The following TYRO3 variants were observed in gnomAD, a reference collection of about 807,000 sequenced individuals.
TYRO3 encodes tyrosine-protein kinase receptor TYRO3.
In TYRO3, 38 loss-of-function variants were observed where a neutral mutation model predicts 95.2. The observed-to-expected ratio is 0.40, with a 90% confidence interval of 0.31 to 0.52. The LOEUF is 0.52. TYRO3 is among the 20% of genes least tolerant of loss of function. TYRO3 has a pLI of 0.56. For synonymous variants in TYRO3, 367 were observed against 432.9 expected (o/e 0.85, Z 1.89); for missense variants, 812 against 1,116.4 (o/e 0.73, Z 3.89).
chr15:41,570,220 A>G lies in TYRO3; in HGVS notation c.1383-20A>G, dbSNP rs1479670934. 2 of 976,164 alleles carry G rather than the reference A, an allele frequency of 2.0e-6. No homozygotes were observed. The highest frequency in any genetic ancestry group is 2.7e-5 in the South Asian group (2 of 73,098). 60.5% of individuals were successfully genotyped at this position (976,164 alleles called of 1,614,324 possible). On this transcript the variant is annotated intron_variant, in intron 10 of 18. Transcript: ENST00000263798. ...ATGAAAGACCTTGGAGCTGACCCCA[A>G]ATCCTGGGTTTTCCTTTAGGCAAGC...
At chr15:41,571,467 C>A in intron 13 of TYRO3, 128 bp from the exon 14 acceptor site, 1 of 695,318 alleles carries the variant, frequency 1.4e-6, no homozygotes. Context: ...TTCTCCTGCT[C>A]ATGGCTGGGC....
rs1458107560 is a variant in TYRO3 at position 41,581,889 on chromosome 15, TG to T, written c.*3616del. The T allele has an allele frequency of 2.3e-5, 3 of 129,776 alleles. No individual in the cohort carries two copies. The highest frequency in any genetic ancestry group is 8.7e-5 in the African/African-American group (3 of 34,366). The allele number at this position is 129,776 out of a possible 1,614,324, so 8.0% of individuals were successfully genotyped here. A position where few individuals can be genotyped will look rare whatever the true frequency, so the allele number is the denominator to read the frequency against. On this transcript the variant is annotated 3_prime_UTR_variant, in exon 19 of 19. Coordinates refer to ENST00000263798, the MANE Select transcript of TYRO3 (RefSeq NM_006293.4). ...GCTCACGCCTATAATCCCAGCGCTT[TG>T]GGATTTTCTGTCTCAAAAAAAAAAA...
At position 41,576,671 on chromosome 15, in the gene TYRO3, A is replaced by ATTT. The variant is rs2055864661; in HGVS notation, c.2283-1215_2283-1214insTTT. 3.7e-3 allele frequency among the ~76,000 whole-genome samples: 475 copies of ATTT among 129,546 alleles called. 1 individual carries two copies. The highest frequency in any genetic ancestry group is 0.015 in the African/African-American group (449 of 30,604). 85.0% of individuals were successfully genotyped at this position (129,546 alleles called of 152,430 possible). The stretch of plus-strand genomic sequence containing the variant: ...TTTTTTTTTTTTTTTTTTTTTTTTA[A>ATTT]AAAAAAAAAAGAGAAAGGGCCTCGC... On this transcript the variant is annotated intron_variant, in intron 18 of 18. Coordinates refer to ENST00000263798, the MANE Select transcript of TYRO3 (RefSeq NM_006293.4).
intron 4 of TYRO3, 150 bp from the exon 5 acceptor site, chr15:41,564,034 G>A (rs2055689772): frequency 2.9e-6 from 2 of 693,158 alleles, no homozygotes; most frequent in Non-Finnish European, 5.1e-6. Context: ...TAGTGTCCCT[G>A]TTCATTTCAC....
chr15:41,570,002 A>C, intron 9 of TYRO3, 25 bp from the exon 10 acceptor site: 1 of 1,607,412 alleles, frequency 6.2e-7, no homozygotes, highest in East Asian at 2.2e-5. Flanking sequence ...ATCCTAGCTC[A>C]TGCCACTGCA....
At position 41,572,440 on chromosome 15, in the gene TYRO3, C is replaced by T; in HGVS notation, c.1754-3C>T. The T allele has an allele frequency of 3.0e-6, 3 of 1,011,268 alleles. No homozygotes were observed. 62.6% of individuals were successfully genotyped at this position (1,011,268 alleles called of 1,614,324 possible). A position where few individuals can be genotyped will look rare whatever the true frequency, so the allele number is the denominator to read the frequency against. ...CTCAGCTCCTGACTCTCCCTTGTCC[C>T]AGGGGTAAGCCTCCGGAGCAGGGCT... On this transcript the variant is annotated splice_polypyrimidine_tract_variant and splice_region_variant and intron_variant, in intron 14 of 18. Coordinates refer to ENST00000263798, the MANE Select transcript of TYRO3 (RefSeq NM_006293.4).
chr15:41,570,565 A>T, intron 11 of TYRO3, 39 bp from the exon 12 acceptor site: 1 of 1,405,384 alleles, frequency 7.1e-7, no homozygotes, highest in Non-Finnish European at 9.7e-7. Flanking sequence ...TGGCTCAGGA[A>T]TCAGAGATCC....
intron 7 of TYRO3, 41 bp from the exon 8 acceptor site, chr15:41,568,176 G>A (rs1179769745): frequency 2.5e-5 from 41 of 1,609,434 alleles, no homozygotes; most frequent in Non-Finnish European, 3.1e-5. Context: ...ATGATGGTGG[G>A]AAGGGCAGGG....
Position 41,578,396 on chromosome 15 carries a change from C to T in TYRO3, c.*120C>T, listed in dbSNP as rs1411685731. ...GTGTGGAGGCTCCTGTGGTAGTCCT[C>T]CCAAGCTGTGCTGGGAAGCCCGGAC... On this transcript the variant is annotated 3_prime_UTR_variant, in exon 19 of 19. Coordinates refer to ENST00000263798, the MANE Select transcript of TYRO3 (RefSeq NM_006293.4). 2 of 1,329,186 alleles carry T rather than the reference C, an allele frequency of 1.5e-6. No homozygotes were observed. The highest frequency in any genetic ancestry group is 2.1e-6 in the Non-Finnish European group (2 of 972,588). 82.3% of individuals were successfully genotyped at this position (1,329,186 alleles called of 1,614,324 possible). A position where few individuals can be genotyped will look rare whatever the true frequency, so the allele number is the denominator to read the frequency against.
rs142941924 is a variant in TYRO3, at chr15:41,572,548, T to C, written c.1859T>C (p.Ile620Thr). The part of the protein sequence containing the change: ...DLHAFLLASR[I>T]GENPFNLPLQ... ...CATGCCTTCCTGCTCGCCTCCCGGA[T>C]TGGGGAGAACCCCTTTGTGAGTACC... The change falls in exon 15 of 19, where the codon ATT (isoleucine) becomes ACT (threonine). Residue 620 changes from isoleucine to threonine, a missense_variant. Physicochemically the swap from Ile to Thr is moderately conservative, Grantham distance 89. Coordinates refer to ENST00000263798, the MANE Select transcript of TYRO3 (RefSeq NM_006293.4). 1,811 of 1,614,158 alleles carry C rather than the reference T, an allele frequency of 1.1e-3. 3 individuals carry two copies. Among genetic ancestry groups the C allele is most frequent in the Non-Finnish European group, 8.2e-4 (971 of 1,180,020 alleles).
In TYRO3 at chr15:41,567,617, G is replaced by T; in HGVS notation, c.961+80G>T. 2.3e-6 allele frequency: 3 copies of T among 1,306,396 alleles called. No individual in the cohort carries two copies. The East Asian group carries it at 8.0e-5, about 35-fold the overall frequency. 80.9% of individuals were successfully genotyped at this position (1,306,396 alleles called of 1,614,324 possible). On this transcript the variant is annotated intron_variant, in intron 7 of 18. Transcript: ENST00000263798. The stretch of plus-strand genomic sequence containing the variant: ...CGTGTTGGCTGGAGTTCTGAATGGT[G>T]CTGGTAGAGATGGAGGTTCAGGCAT...
chr15:41,578,082 C>A lies in TYRO3; in HGVS notation c.2479C>A (p.Pro827Thr). ...GSLELPGRDQ[P>T]YSGAGDGSGM... ...CCTGGAGCTACCTGGCAGGGATCAGCCCTACAGTGGGGCTGGGGATGGCAG... is the reference window on the plus strand; with the variant it reads ...CCTGGAGCTACCTGGCAGGGATCAGACCTACAGTGGGGCTGGGGATGGCAG... Residue 827 changes from proline to threonine, a missense_variant, in exon 19 of 19, where the codon CCC becomes ACC. Pro to Thr is a conservative substitution (Grantham distance 38, BLOSUM62 -1). Transcript: ENST00000263798. 2 of 1,614,056 alleles carry A rather than the reference C, an allele frequency of 1.2e-6. No individual in the cohort carries two copies. The highest frequency in any genetic ancestry group is 1.7e-6 in the Non-Finnish European group (2 of 1,180,030).
intron 1 of TYRO3, 77 bp downstream of exon 1, chr15:41,559,458 G>T (rs1358716924): frequency 6.6e-6 from 2 of 302,336 alleles, no homozygotes; most frequent in South Asian, 1.5e-4. Context: ...CCCGGGGCGG[G>T]CCTGGCGGGC....
chr15:41,563,739 A>C (rs1044530566), intron 4 of TYRO3, among the ~76,000 whole-genome samples: 1 of 152,228 alleles, frequency 6.6e-6, no homozygotes, highest in Non-Finnish European at 1.5e-5. Context: ...AGACATGTGC[A>C]TAAAGAGCTG....
intron 4 of TYRO3, 86 bp from the exon 5 acceptor site, chr15:41,564,098 G>T (rs2055690184): frequency 1.6e-6 from 2 of 1,287,862 alleles, no homozygotes; most frequent in South Asian, 2.4e-5. Context: ...AGGATGTTCA[G>T]ACCAGAGCCT....
At chr15:41,577,717 G>C (rs1261999182) in intron 18 of TYRO3, 169 bp from the exon 19 acceptor site, 3 of 634,298 alleles carry the variant, frequency 4.7e-6, no homozygotes, top group Non-Finnish European at 8.0e-6. Flanking sequence ...GAACTCCTGG[G>C]CTCAAATAAT....
intron 18 of TYRO3, chr15:41,574,692 T>G (rs2055839792): frequency 4.4e-6 from 2 of 455,652 alleles, no homozygotes; most frequent in Non-Finnish European, 4.4e-6. Flanking sequence ...AAGGGCTCCC[T>G]AGGCCTTCAG....
rs943770599 is a variant in TYRO3, at chr15:41,568,105, G to C, written c.962-112G>C. On this transcript the variant is annotated intron_variant, in intron 7 of 18. Transcript: ENST00000263798. Reference sequence around the variant, plus strand: ...GAGCTGGGAGGTGAACCCTTCCCCAGTTTGTGCCTCTCAGAGCTGTTTAGT... The same window carrying C: ...GAGCTGGGAGGTGAACCCTTCCCCACTTTGTGCCTCTCAGAGCTGTTTAGT... 7 of 1,435,200 alleles carry C rather than the reference G, an allele frequency of 4.9e-6. No individual in the cohort carries two copies. In the Admixed American group the frequency reaches 5.7e-5, roughly 12 times the overall value. 88.9% of individuals were successfully genotyped at this position (1,435,200 alleles called of 1,614,324 possible).
chr15:41,568,128 A>T, intron 7 of TYRO3, 89 bp from the exon 8 acceptor site: 1 of 1,546,726 alleles, frequency 6.5e-7, no homozygotes, highest in Non-Finnish European at 8.8e-7. Context: ...AGAGCTGTTT[A>T]GTTCTTGGGA....
Sources: gnomAD v4.1 joint callset for allele counts (sites outside exome capture counted in the v4.1 genomes callset) on GRCh38, gnomAD v4.1.1 for gene constraint, MANE v1.5 for transcripts, NCBI Gene and HGNC (gene_info 2026-07-23, HGNC 2026-07-21) for gene names.